The following NCKAP5 variants were observed in gnomAD, a reference collection of about 807,000 sequenced individuals.
The protein encoded by NCKAP5 is NCK associated protein 5.
NCKAP5 carries 92 observed loss-of-function variants against 167.0 expected under a neutral mutation model. The observed-to-expected ratio is 0.55, with a 90% confidence interval of 0.47 to 0.66. The LOEUF (loss-of-function observed/expected upper bound fraction) is 0.66. Ranked by LOEUF, NCKAP5 falls within the 30% of genes least tolerant of loss-of-function variation. The probability of loss-of-function intolerance (pLI) is 0.00; values close to 1 mark genes in which losing one functional copy is unlikely to be tolerated. For missense variants in NCKAP5, 2,378 were observed against 2,315.0 expected (o/e 1.03, Z -0.56); for synonymous variants, 891 against 877.4 (o/e 1.02, Z -0.27).
chr2:132,684,931 G>A (rs1685738451), intron 19 of NCKAP5, among the ~76,000 whole-genome samples: 1 of 152,320 alleles, frequency 6.6e-6, no homozygotes, highest in Admixed American at 6.5e-5. Context: ...CTTGCAAAAC[G>A]AGTAGCACAG....
chr2:132,864,433 A>G (rs550136416), intron 10 of NCKAP5, among the ~76,000 whole-genome samples: 3 of 152,272 alleles, frequency 2.0e-5, no homozygotes, highest in East Asian at 1.9e-4. Context: ...GTTACTATCA[A>G]TTGGAAACAG....
At chr2:133,665,401 G>A in the NCKAP5 span, among the ~76,000 whole-genome samples, 439 of 152,278 alleles carry the variant, frequency 2.9e-3, no homozygotes, top group Admixed American at 6.0e-3. Context: ...TCAGGGAAGT[G>A]GGAAATCCAA....
At chr2:133,587,666 G>A in the NCKAP5 span, among the ~76,000 whole-genome samples, 55 of 152,332 alleles carry the variant, frequency 3.6e-4, 1 homozygote, top group Middle Eastern at 3.4e-3. Flanking sequence ...TGCACAATGA[G>A]GATGAGGTTT....
intron 6 of NCKAP5, among the ~76,000 whole-genome samples, chr2:133,105,257 A>C (rs1442148845): frequency 4.6e-5 from 7 of 152,232 alleles, no homozygotes; most frequent in Admixed American, 1.3e-4. Context: ...TGTTTTTAAC[A>C]TTCAACCACT....
chr2:133,004,401 TAAAGAG>T (rs2077889065), intron 6 of NCKAP5, among the ~76,000 whole-genome samples: 2 of 152,178 alleles, frequency 1.3e-5, no homozygotes, highest in South Asian at 4.2e-4. Context: ...CTCTGAGAAA[TAAAGAG>T]AAAGAGTACA....
chr2:132,715,945 T>G (rs1181323898), intron 19 of NCKAP5, among the ~76,000 whole-genome samples: 2 of 152,178 alleles, frequency 1.3e-5, no homozygotes, highest in African/African-American at 4.8e-5. Flanking sequence ...AATCTTTTCT[T>G]GGCTTCTTCT....
At chr2:133,439,139 A>G (rs1187325636) in intron 3 of NCKAP5, among the ~76,000 whole-genome samples, 1 of 152,238 alleles carries the variant, frequency 6.6e-6, no homozygotes, top group East Asian at 1.9e-4. Flanking sequence ...GCTGAAAGGC[A>G]ATATTAATCC....
intron 3 of NCKAP5, among the ~76,000 whole-genome samples, chr2:133,333,497 T>A (rs1683009034): frequency 6.6e-6 from 1 of 152,064 alleles, no homozygotes; most frequent in Non-Finnish European, 1.5e-5. Flanking sequence ...AAATAGAGTG[T>A]GGAAGTGAAG....
chr2:132,800,596 G>C (rs143431421), intron 11 of NCKAP5, among the ~76,000 whole-genome samples: 2 of 152,194 alleles, frequency 1.3e-5, no homozygotes, highest in African/African-American at 4.8e-5. Flanking sequence ...GCTGTCTCTG[G>C]AATGTGCCCC....
At chr2:133,171,737 C>T (rs112212170) in intron 5 of NCKAP5, among the ~76,000 whole-genome samples, 1 of 152,272 alleles carries the variant, frequency 6.6e-6, no homozygotes, top group African/African-American at 2.4e-5. Flanking sequence ...ATAGATCCGC[C>T]GTAGTTCTCA....
At chr2:133,462,219 A>C (rs1692242910) in intron 3 of NCKAP5, among the ~76,000 whole-genome samples, 1 of 152,136 alleles carries the variant, frequency 6.6e-6, no homozygotes, top group South Asian at 2.1e-4. Flanking sequence ...CATCATTCTG[A>C]GATTGCATCC....
the NCKAP5 span, among the ~76,000 whole-genome samples, chr2:133,654,348 A>G: frequency 6.6e-6 from 1 of 151,466 alleles, no homozygotes; most frequent in Admixed American, 6.6e-5. Flanking sequence ...ACTGCACTCC[A>G]GCCTGGTTGA....
At chr2:133,603,894 G>A in the NCKAP5 span, among the ~76,000 whole-genome samples, 1 of 152,230 alleles carries the variant, frequency 6.6e-6, no homozygotes, top group East Asian at 1.9e-4. Flanking sequence ...TGATCTCTTA[G>A]CAACCAGGCA....
At chr2:132,885,146 A>G (rs1200401036) in intron 8 of NCKAP5, among the ~76,000 whole-genome samples, 1 of 152,100 alleles carries the variant, frequency 6.6e-6, no homozygotes, top group East Asian at 1.9e-4. Flanking sequence ...TCTTTAATCC[A>G]TTTGCATTTA....
chr2:133,566,227 TC>T (rs1553443739), intron 1 of NCKAP5, among the ~76,000 whole-genome samples: 1 of 39,738 alleles, frequency 2.5e-5, no homozygotes, highest in Non-Finnish European at 7.9e-5. Flanking sequence ...AAGAGAAGGT[TC>T]CACTGGAGAG....
Position 133,045,859 on chromosome 2 carries a change from G to A in NCKAP5, c.342-51620C>T, listed in dbSNP as rs367883359. On this transcript the variant is annotated intron_variant, in intron 6 of 19. Coordinates refer to ENST00000409261, the MANE Select transcript of NCKAP5 (RefSeq NM_207363.3). The stretch of plus-strand genomic sequence containing the variant: ...TGCATTTGCGATGAGATGAAGAGAG[G>A]TGAATGACACAGCCGTTGTGATGTA... 3.9e-5 allele frequency among the ~76,000 whole-genome samples: 6 copies of A among 152,286 alleles called. No individual in the cohort carries two copies. The East Asian group carries it at 5.8e-4, about 15-fold the overall frequency.
chr2:132,909,547 C>T (rs763411136), intron 8 of NCKAP5, among the ~76,000 whole-genome samples: 33 of 152,066 alleles, frequency 2.2e-4, no homozygotes, highest in Non-Finnish European at 3.2e-4. Flanking sequence ...CAGAGATTAT[C>T]GACAATGGTT....
intron 3 of NCKAP5, among the ~76,000 whole-genome samples, chr2:133,355,136 T>C (rs1684623015): frequency 1.3e-5 from 2 of 152,214 alleles, no homozygotes; most frequent in Non-Finnish European, 2.9e-5. Flanking sequence ...TTTTGTAGCT[T>C]AAGTTTTCTC....
At chr2:132,828,889 A>G (rs999230476) in intron 11 of NCKAP5, among the ~76,000 whole-genome samples, 26 of 152,098 alleles carry the variant, frequency 1.7e-4, no homozygotes, top group Non-Finnish European at 4.4e-5. Context: ...TTGCCTTCCT[A>G]GAGCCCAAGC....
Sources: allele counts gnomAD v4.1 joint callset (sites outside exome capture counted in the v4.1 genomes callset), GRCh38; gene constraint gnomAD v4.1.1; transcripts MANE v1.5; gene names NCBI Gene and HGNC (gene_info 2026-07-23, HGNC 2026-07-21).